Variants in CNTNAP4 observed in about 807,000 individuals in gnomAD.
CNTNAP4 encodes contactin-associated protein-like 4.
A neutral mutation model predicts 148.4 loss-of-function variants in CNTNAP4; 98 were observed. The observed-to-expected ratio is 0.66, with a 90% CI of 0.56 to 0.78. The LOEUF (loss-of-function observed/expected upper bound fraction) is 0.78. CNTNAP4 is among the 30% of genes least tolerant of loss of function. The pLI is 0.00. For synonymous variants in CNTNAP4, 730 were observed against 565.1 expected (o/e 1.29, Z -4.14); for missense variants, 1,935 against 1,565.6 (o/e 1.24, Z -3.98).
At chr16:76,482,014 T>A (rs955476573) in intron 12 of CNTNAP4, among the ~76,000 whole-genome samples, 2 of 152,018 alleles carry the variant, frequency 1.3e-5, no homozygotes, top group Non-Finnish European at 2.9e-5. Flanking sequence ...TTTTTATTTT[T>A]TTTTTTAATT....
chr16:76,529,869 G>GTGTA, intron 17 of CNTNAP4, among the ~76,000 whole-genome samples: 1 of 151,920 alleles, frequency 6.6e-6, no homozygotes, highest in African/African-American at 2.4e-5. Context: ...GTGTGTGTGT[G>GTGTA]TGTAAACATG....
chr16:76,355,765 G>A (rs1217507506), intron 3 of CNTNAP4, among the ~76,000 whole-genome samples: 1 of 148,560 alleles, frequency 6.7e-6, no homozygotes, highest in East Asian at 2.3e-4. Flanking sequence ...CCATTAAATA[G>A]TGTGGGAGTC....
chr16:76,523,588 C>T (rs1245139086), intron 17 of CNTNAP4, among the ~76,000 whole-genome samples: 1 of 152,034 alleles, frequency 6.6e-6, no homozygotes, highest in Non-Finnish European at 1.5e-5. Context: ...TATAGTTTAA[C>T]ATAAATGAAG....
In CNTNAP4 at chr16:76,528,481, T is replaced by C. The variant is rs894318101; in HGVS notation, c.2755+6224T>C. Among the ~76,000 whole-genome samples the C allele has an allele frequency of 2.6e-5, 4 of 152,094 alleles. No individual in the cohort carries two copies. The South Asian group carries it at 6.2e-4, about 24-fold the overall frequency. Reference sequence around the variant, plus strand: ...CAGTCTCCCTATGTGCCCAGGCTGGTCTTGAACTCCTGGGTTCAAAAGATC... The same window carrying C: ...CAGTCTCCCTATGTGCCCAGGCTGGCCTTGAACTCCTGGGTTCAAAAGATC... On this transcript the variant is annotated intron_variant, in intron 17 of 23. Transcript: ENST00000611870.
Position 76,343,740 on chromosome 16 carries a change from AT to A in CNTNAP4, c.197-11568del, listed in dbSNP as rs72526066. ...GAAAAATCAAATATGTTGAAACTTC[AT>A]TTTTTTTTTGTCTGATGAGGTAAAG... On this transcript the variant is annotated intron_variant, in intron 2 of 23. Coordinates refer to ENST00000611870, the MANE Select transcript of CNTNAP4 (RefSeq NM_033401.5). Among the ~76,000 whole-genome samples the A allele has an allele frequency of 6.0e-3, 843 of 141,016 alleles. 6 individuals are homozygous for A. The highest frequency in any genetic ancestry group is 0.019 in the African/African-American group (776 of 40,320). 92.5% of individuals were successfully genotyped at this position (141,016 alleles called of 152,430 possible). A position where few individuals can be genotyped will look rare whatever the true frequency, so the allele number is the denominator to read the frequency against.
chr16:76,408,077 G>A (rs1413133751), intron 3 of CNTNAP4, among the ~76,000 whole-genome samples: 1 of 151,872 alleles, frequency 6.6e-6, no homozygotes, highest in Non-Finnish European at 1.5e-5. Context: ...TAGCAATCAA[G>A]TATTTTAAAA....
chr16:76,347,319 T>A (rs17698995), intron 2 of CNTNAP4, among the ~76,000 whole-genome samples: 28,373 of 152,108 alleles, frequency 0.19, 3,446 homozygotes, highest in East Asian at 0.47. Flanking sequence ...GTGACTACAA[T>A]TTTATTTCAA....
intron 4 of CNTNAP4, 82 bp from the exon 5 acceptor site, chr16:76,447,930 T>G: frequency 9.9e-7 from 1 of 1,010,950 alleles, no homozygotes; most frequent in Non-Finnish European, 1.5e-6. Flanking sequence ...ATACTGCCTT[T>G]TCTCAATATA....
At chr16:76,385,875 T>C (rs534969924) in intron 3 of CNTNAP4, among the ~76,000 whole-genome samples, 5 of 152,308 alleles carry the variant, frequency 3.3e-5, no homozygotes, top group African/African-American at 1.2e-4. Context: ...GCATGGCAGC[T>C]TTCTTGTACT....
chr16:76,283,276 C>A (rs1173569270), intron 1 of CNTNAP4, among the ~76,000 whole-genome samples: 2 of 151,898 alleles, frequency 1.3e-5, no homozygotes, highest in Non-Finnish European at 2.9e-5. Context: ...TAATATTGTT[C>A]ACTAATGAAT....
intron 3 of CNTNAP4, among the ~76,000 whole-genome samples, chr16:76,382,104 A>G (rs1405539309): frequency 1.4e-5 from 2 of 145,042 alleles, no homozygotes; most frequent in Non-Finnish European, 3.0e-5. Flanking sequence ...AGTTACCTTT[A>G]TGATAAACTA....
intron 21 of CNTNAP4, among the ~76,000 whole-genome samples, chr16:76,541,501 T>C (rs905354933): frequency 2.0e-5 from 3 of 152,198 alleles, no homozygotes; most frequent in African/African-American, 7.2e-5. Context: ...TTCACCTTAT[T>C]TGAGGAGAGG....
chr16:76,355,390 A>T lies in CNTNAP4; in HGVS notation c.269A>T (p.Glu90Val). Residue 90 changes from glutamate (E) to valine (V), a missense_variant, in exon 3 of 24, where the codon GAG becomes GTG. Physicochemically the swap from Glu to Val is moderately radical, Grantham distance 121. Coordinates refer to ENST00000611870, the MANE Select transcript of CNTNAP4 (RefSeq NM_033401.5). ...CAGATTGACCTTGGAGAGAGAATGGAGGTCACCGCTGTGGCCACTCAAGGG... is the reference window on the plus strand; with the variant it reads ...CAGATTGACCTTGGAGAGAGAATGGTGGTCACCGCTGTGGCCACTCAAGGG... ...WLQIDLGERM[E>V]VTAVATQGGY... The T allele has an allele frequency of 6.2e-7, 1 of 1,609,904 alleles. No individual in the cohort carries two copies. The highest frequency in any genetic ancestry group is 1.1e-5 in the South Asian group (1 of 90,736).
At chr16:76,520,501 G>C (rs2083413350) in intron 15 of CNTNAP4, among the ~76,000 whole-genome samples, 1 of 152,022 alleles carries the variant, frequency 6.6e-6, no homozygotes, top group Non-Finnish European at 1.5e-5. Flanking sequence ...TTAATTTGCT[G>C]TCATCTACTT....
intron 1 of CNTNAP4, among the ~76,000 whole-genome samples, chr16:76,298,481 CATGTATGTGTGT>C (rs1450231279): frequency 3.4e-4 from 46 of 134,928 alleles, no homozygotes; most frequent in African/African-American, 1.1e-3. Context: ...CATGTGTGTA[CATGTATGTGTGT>C]GTGTGTGTGT....
intron 4 of CNTNAP4, among the ~76,000 whole-genome samples, chr16:76,433,015 C>A (rs74424425): frequency 0.036 from 5,432 of 152,222 alleles, 166 homozygotes; most frequent in African/African-American, 0.087. Flanking sequence ...GCATAGAAAT[C>A]TCTGCTTCTG....
At chr16:76,291,426 G>A (rs762444269) in intron 1 of CNTNAP4, among the ~76,000 whole-genome samples, 2 of 152,026 alleles carry the variant, frequency 1.3e-5, no homozygotes, top group Non-Finnish European at 2.9e-5. Context: ...TCTGCACCTG[G>A]TGCTGTCTAG....
chr16:76,449,861 G>A lies in CNTNAP4; in HGVS notation c.1071+3G>A, dbSNP rs137888487. The stretch of plus-strand genomic sequence containing the variant: ...AAAAACCACAGATCATTGCTATGGT[G>A]AGAGTCTTTATGCGAAGACATTAGT... On this transcript the variant is annotated splice_donor_region_variant and intron_variant, in intron 7 of 23. Coordinates refer to ENST00000611870, the MANE Select transcript of CNTNAP4 (RefSeq NM_033401.5). The A allele has an allele frequency of 9.5e-4, 1,523 of 1,600,402 alleles. 11 individuals are homozygous for A. The African/African-American group carries it at 0.017, about 18-fold the overall frequency.
rs1191651888 is a variant in CNTNAP4 at position 76,499,562 on chromosome 16, TA to T, written c.2365+869del. ...GTTCTTTTTTATTTATTTATTTATT[TA>T]TTTATTTTAGTATTTATTGATCATT... On this transcript the variant is annotated intron_variant, in intron 15 of 23. Coordinates refer to ENST00000611870, the MANE Select transcript of CNTNAP4 (RefSeq NM_033401.5). Among the ~76,000 whole-genome samples, 25 of 151,696 alleles carry T rather than the reference TA, an allele frequency of 1.6e-4. No homozygotes were observed. The East Asian group carries it at 1.7e-3, about 11-fold the overall frequency.
Sources: gnomAD v4.1 joint callset for allele counts (sites outside exome capture counted in the v4.1 genomes callset) on GRCh38, gnomAD v4.1.1 for gene constraint, MANE v1.5 for transcripts, NCBI Gene and HGNC (gene_info 2026-07-23, HGNC 2026-07-21) for gene names.